LARGE1: variants seen among roughly 807,000 people sequenced by gnomAD.
LARGE1 encodes the protein xylosyl- and glucuronyltransferase LARGE1.
In LARGE1, 43 loss-of-function variants were observed where a neutral mutation model predicts 87.6. The ratio of observed to expected loss-of-function variants is 0.49; its 90% CI spans 0.38 to 0.63. The LOEUF is 0.63. LARGE1 is among the 30% of genes least tolerant of loss of function. The pLI is 0.00. For missense variants in LARGE1, 802 were observed against 1,000.2 expected (o/e 0.80, Z 2.67); for synonymous variants, 434 against 394.6 (o/e 1.10, Z -1.18).
At chr22:33,558,215 G>A (rs748326435) in intron 6 of LARGE1, among the ~76,000 whole-genome samples, 1 of 152,176 alleles carries the variant, frequency 6.6e-6, no homozygotes, top group African/African-American at 2.4e-5. Context: ...CCTTTAATCA[G>A]GAAAATCTGA....
chr22:33,567,225 G>GT (rs200155723), intron 5 of LARGE1, among the ~76,000 whole-genome samples: 2,380 of 151,834 alleles, frequency 0.016, 62 homozygotes, highest in African/African-American at 0.054. Flanking sequence ...TGGTTACTTA[G>GT]TTTTTTTTTA....
At chr22:33,514,183 T>C (rs1010123790) in intron 6 of LARGE1, among the ~76,000 whole-genome samples, 10 of 152,180 alleles carry the variant, frequency 6.6e-5, no homozygotes, top group Non-Finnish European at 1.5e-5. Flanking sequence ...ACAGACTGCA[T>C]ATATGTTTAT....
At chr22:33,193,430 G>C (rs73395936) in intron 11 of LARGE1, among the ~76,000 whole-genome samples, 1,606 of 152,296 alleles carry the variant, frequency 0.011, 31 homozygotes, top group African/African-American at 0.037. Flanking sequence ...GAGTGATAAA[G>C]AAAGAAGCAG....
chr22:33,285,097 T>C (rs1238426708), intron 12 of LARGE1, among the ~76,000 whole-genome samples: 1 of 152,160 alleles, frequency 6.6e-6, no homozygotes, highest in Non-Finnish European at 1.5e-5. Context: ...GTGGTCACTA[T>C]TACACTGCAG....
chr22:33,660,214 AC>A (rs2081084629), intron 2 of LARGE1, among the ~76,000 whole-genome samples: 1 of 151,494 alleles, frequency 6.6e-6, no homozygotes, highest in Non-Finnish European at 1.5e-5. Flanking sequence ...CCCGTCATAT[AC>A]TCAAGGAGTC....
intron 6 of LARGE1, among the ~76,000 whole-genome samples, chr22:33,444,693 G>T (rs745642315): frequency 6.6e-6 from 1 of 152,164 alleles, no homozygotes; most frequent in Admixed American, 6.5e-5. Context: ...AATGAAAGGC[G>T]TATTTCAAAG....
chr22:33,875,991 A>G (rs1397192482), intron 1 of LARGE1, among the ~76,000 whole-genome samples: 1 of 152,210 alleles, frequency 6.6e-6, no homozygotes, highest in Non-Finnish European at 1.5e-5. Context: ...GATTCAGTCC[A>G]AAGATCTCAA....
intron 12 of LARGE1, among the ~76,000 whole-genome samples, chr22:33,303,902 C>T (rs1263278199): frequency 1.4e-4 from 21 of 152,082 alleles, no homozygotes; most frequent in South Asian, 2.1e-4. Context: ...GGATTACAGG[C>T]GAGAGCCATC....
intron 7 of LARGE1, among the ~76,000 whole-genome samples, chr22:33,417,991 A>G (rs2066562340): frequency 6.6e-6 from 1 of 152,248 alleles, no homozygotes; most frequent in African/African-American, 2.4e-5. Flanking sequence ...TCTGTCGCCC[A>G]GGCTGGAGTG....
chr22:33,190,567 G>A (rs1406407396), intron 11 of LARGE1, among the ~76,000 whole-genome samples: 1 of 152,190 alleles, frequency 6.6e-6, no homozygotes, highest in Non-Finnish European at 1.5e-5. Flanking sequence ...GGATGGTACA[G>A]GTGAATCCTT....
At chr22:33,409,663 T>C (rs979443705) in intron 7 of LARGE1, among the ~76,000 whole-genome samples, 1 of 151,922 alleles carries the variant, frequency 6.6e-6, no homozygotes, top group African/African-American at 2.4e-5. Flanking sequence ...AGATTGAGAC[T>C]ATCCTGGCTA....
chr22:33,840,107 G>A lies in LARGE1; in HGVS notation c.-82-78549C>T, dbSNP rs540095828. Among the ~76,000 whole-genome samples the A allele has an allele frequency of 7.2e-5, 11 of 152,252 alleles. No individual in the cohort carries two copies. The South Asian group carries it at 1.9e-3, about 26-fold the overall frequency. On this transcript the variant is annotated intron_variant, in intron 1 of 14. Transcript: ENST00000397394. Reference sequence around the variant, plus strand: ...TAAACCAACACAGGAAAATGAATACGCAGGAAATGCACACCCATACTAACT... The same window carrying A: ...TAAACCAACACAGGAAAATGAATACACAGGAAATGCACACCCATACTAACT...
rs3210587 is a variant in LARGE1 at position 33,920,089 on chromosome 22, G to A, written c.-177C>T. On this transcript the variant is annotated 5_prime_UTR_variant, in exon 1 of 15. Coordinates refer to ENST00000397394, the MANE Select transcript of LARGE1 (RefSeq NM_133642.5). ...ACGAGGCGCAGGGGGTCCGGGTCAG[G>A]GTCCCGGCAGGCGCTGCCCTACTCG... The A allele has an allele frequency of 0.3, 44,967 of 152,012 alleles. 7,988 individuals are homozygous for A. The highest frequency in any genetic ancestry group is 0.54 in the East Asian group (2,749 of 5,084). 9.4% of individuals were successfully genotyped at this position (152,012 alleles called of 1,614,324 possible). A position where few individuals can be genotyped will look rare whatever the true frequency, so the allele number is the denominator to read the frequency against.
At chr22:33,908,261 C>T (rs1347666025) in intron 1 of LARGE1, among the ~76,000 whole-genome samples, 1 of 152,146 alleles carries the variant, frequency 6.6e-6, no homozygotes, top group African/African-American at 2.4e-5. Flanking sequence ...TACTGAAAGG[C>T]TCCCGCTCTC....
chr22:33,588,503 A>AT (rs2078743227), intron 5 of LARGE1, among the ~76,000 whole-genome samples: 1 of 117,402 alleles, frequency 8.5e-6, no homozygotes, highest in African/African-American at 3.9e-5. Context: ...AGGAACATAT[A>AT]TGTGTGCGTG....
intron 1 of LARGE1, among the ~76,000 whole-genome samples, chr22:33,764,773 A>G (rs1333714230): frequency 6.6e-6 from 1 of 152,178 alleles, no homozygotes; most frequent in Non-Finnish European, 1.5e-5. Flanking sequence ...GTAATAATAA[A>G]TTTTTTAAAA....
chr22:33,579,473 T>C (rs1315566857), intron 5 of LARGE1, among the ~76,000 whole-genome samples: 1 of 152,214 alleles, frequency 6.6e-6, no homozygotes, highest in African/African-American at 2.4e-5. Context: ...AGTCTCAGCC[T>C]TCTAAAACTA....
At chr22:33,122,904 A>G in the LARGE1 span, among the ~76,000 whole-genome samples, 5 of 152,272 alleles carry the variant, frequency 3.3e-5, no homozygotes, top group African/African-American at 9.6e-5. Flanking sequence ...AGGGGCTGAT[A>G]CGGGACCCTA....
At chr22:33,389,285 C>T (rs528874376) in intron 7 of LARGE1, among the ~76,000 whole-genome samples, 10 of 152,250 alleles carry the variant, frequency 6.6e-5, no homozygotes, top group Non-Finnish European at 1.5e-4. Context: ...AACACAGGTG[C>T]GTTCCAACCA....
Sources: allele counts gnomAD v4.1 joint callset (sites outside exome capture counted in the v4.1 genomes callset), GRCh38; gene constraint gnomAD v4.1.1; transcripts MANE v1.5; gene names NCBI Gene and HGNC (gene_info 2026-07-23, HGNC 2026-07-21).